Variants in COL6A6 observed in about 807,000 individuals in gnomAD.
The protein encoded by COL6A6 is collagen type VI alpha 6 chain.
COL6A6 carries 183 observed loss-of-function variants against 208.6 expected under a neutral mutation model. The ratio of observed to expected loss-of-function variants is 0.88; its 90% CI spans 0.78 to 0.99. COL6A6 has a LOEUF of 0.99. Ranked by LOEUF, COL6A6 falls within the 50% of genes least tolerant of loss-of-function variation. The pLI, the probability that COL6A6 is intolerant of heterozygous loss-of-function variation, is 0.00. For missense variants in COL6A6, 2,816 were observed against 2,815.2 expected (o/e 1.00, Z -0.01); for synonymous variants, 973 against 1,011.8 (o/e 0.96, Z 0.73).
chr3:130,622,432 TG>T (rs2108274985), intron 24 of COL6A6, among the ~76,000 whole-genome samples: 1 of 152,142 alleles, frequency 6.6e-6, no homozygotes, highest in South Asian at 2.1e-4. Flanking sequence ...ATAATATATA[TG>T]ACATGAAACC....
In COL6A6 at chr3:130,675,371, G is replaced by C. The variant is rs2066333610; in HGVS notation, c.6766G>C (p.Glu2256Gln). 6.3e-7 allele frequency: 1 copy of C among 1,591,796 alleles called. No homozygotes were observed. Among genetic ancestry groups the C allele is most frequent in the Non-Finnish European group, 8.6e-7 (1 of 1,169,536 alleles). The change falls in exon 37 of 37, where the codon GAA becomes CAA. Residue 2256 changes from glutamate (E) to glutamine (Q), a missense_variant. Glu to Gln is a conservative substitution (Grantham distance 29). Coordinates refer to ENST00000358511, the MANE Select transcript of COL6A6 (RefSeq NM_001102608.3). ...SHTFKNGRMIESAPKQHD is the reference protein window; with the variant it reads ...SHTFKNGRMIQSAPKQHD ...TACCTTTAAGAATGGAAGGATGATA[G>C]AAAGTGCTCCCAAACAACATGATTA...
intron 33 of COL6A6, among the ~76,000 whole-genome samples, chr3:130,656,875 G>A (rs1022475636): frequency 3.3e-5 from 5 of 152,272 alleles, no homozygotes; most frequent in African/African-American, 9.6e-5. Flanking sequence ...GGTTGCAACA[G>A]TGCCTGGGCT....
chr3:130,674,735 G>A (rs895014365), intron 36 of COL6A6, among the ~76,000 whole-genome samples: 9 of 152,206 alleles, frequency 5.9e-5, no homozygotes, highest in African/African-American at 2.2e-4. Flanking sequence ...TGAACCTTCT[G>A]TCTGGTTGGG....
In COL6A6 at chr3:130,568,562, A is replaced by G. The variant is rs776862405; in HGVS notation, c.2359A>G (p.Ile787Val). 4 of 1,606,544 alleles carry G rather than the reference A, an allele frequency of 2.5e-6. No individual in the cohort carries two copies. The highest frequency in any genetic ancestry group is 1.7e-4 in the Middle Eastern group (1 of 6,060). Residue 787 changes from isoleucine to valine, a missense_variant, in exon 6 of 37, where the codon ATT becomes GTT. Ile to Val is a conservative substitution (Grantham distance 29, BLOSUM62 3). Transcript: ENST00000358511. ...YVENFDILQRIEDDLVFGICS... is the reference protein window; with the variant it reads ...YVENFDILQRVEDDLVFGICS... Reference sequence around the variant, plus strand: ...TGAGAATTTTGACATTCTGCAGCGCATTGAAGATGATCTTGTTTTTGGAAT... The same window carrying G: ...TGAGAATTTTGACATTCTGCAGCGCGTTGAAGATGATCTTGTTTTTGGAAT...
chr3:130,520,267 T>G (rs1710985993), intron 1 of COL6A6, among the ~76,000 whole-genome samples: 1 of 152,232 alleles, frequency 6.6e-6, no homozygotes, highest in African/African-American at 2.4e-5. Flanking sequence ...TTTCTGAATT[T>G]TAAAGCAGTT....
chr3:130,594,674 G>A (rs1251145904), intron 18 of COL6A6, among the ~76,000 whole-genome samples: 1 of 152,094 alleles, frequency 6.6e-6, no homozygotes, highest in African/African-American at 2.4e-5. Context: ...CAGAAAGAAA[G>A]CCATGTCTTT....
chr3:130,563,658 G>C lies in COL6A6; in HGVS notation c.655G>C (p.Val219Leu). Residue 219 changes from valine (V) to leucine (L), a missense_variant, in exon 3 of 37, where the codon GTA becomes CTA. Val to Leu is a conservative substitution (Grantham distance 32, BLOSUM62 1). Coordinates refer to ENST00000358511, the MANE Select transcript of COL6A6 (RefSeq NM_001102608.3). Reference sequence around the variant, plus strand: ...GGAGGGAGCAGTTGATGACATCTTTGTAGAAGGTGGGCTTAGGATATGTGT... The same window carrying C: ...GGAGGGAGCAGTTGATGACATCTTTCTAGAAGGTGGGCTTAGGATATGTGT... ...YKEGAVDDIF[V>L]EACQGPSMAD... is the part of the protein sequence containing the mutation. 1.2e-6 allele frequency: 2 copies of C among 1,601,134 alleles called. No homozygotes were observed. The highest frequency in any genetic ancestry group is 1.7e-6 in the Non-Finnish European group (2 of 1,169,138).
intron 6 of COL6A6, among the ~76,000 whole-genome samples, chr3:130,570,607 C>T (rs1364704105): frequency 6.6e-6 from 1 of 152,146 alleles, no homozygotes; most frequent in Non-Finnish European, 1.5e-5. Context: ...CTGACTCCCG[C>T]CTTATCTTAC....
At chr3:130,519,240 A>G (rs991303934) in intron 1 of COL6A6, among the ~76,000 whole-genome samples, 6 of 152,230 alleles carry the variant, frequency 3.9e-5, no homozygotes, top group African/African-American at 1.2e-4. Flanking sequence ...AATAATCTCT[A>G]TACTTAGTAC....
chr3:130,609,636 A>C (rs887121180), intron 22 of COL6A6, among the ~76,000 whole-genome samples: 1 of 152,214 alleles, frequency 6.6e-6, no homozygotes, highest in Non-Finnish European at 1.5e-5. Context: ...ACCACAAAAA[A>C]GTTAGAACTT....
At chr3:130,652,500 A>G (rs1276492180) in intron 33 of COL6A6, among the ~76,000 whole-genome samples, 2 of 152,194 alleles carry the variant, frequency 1.3e-5, no homozygotes, top group Non-Finnish European at 2.9e-5. Context: ...GCCTCATCTT[A>G]TACACCAGGT....
intron 1 of COL6A6, among the ~76,000 whole-genome samples, chr3:130,540,094 A>G (rs570317517): frequency 2.0e-5 from 3 of 152,314 alleles, no homozygotes; most frequent in South Asian, 2.1e-4. Context: ...CATATCTACA[A>G]TGAGTTTATT....
In COL6A6 at chr3:130,629,106, G is replaced by A. The variant is rs1356249437; in HGVS notation, c.4992+1737G>A. The stretch of plus-strand genomic sequence containing the variant: ...AGACGATCAAATTACTCTGAGCTAC[G>A]GGAGGACATTCAAACCAAAGGCAAA... On this transcript the variant is annotated intron_variant, in intron 26 of 36. Transcript: ENST00000358511. 2.2e-4 allele frequency among the ~76,000 whole-genome samples: 8 copies of A among 36,062 alleles called. No homozygotes were observed. The East Asian group carries it at 4.4e-3, about 20-fold the overall frequency. 23.7% of individuals were successfully genotyped at this position (36,062 alleles called of 152,430 possible).
rs773153774 is a variant in COL6A6 at position 130,567,193 on chromosome 3, T to TA, written c.1775dup (p.Tyr592Ter). ...TGCAGGAGAGGAAAAGAGAGTGTAT[T>TA]ACGTGCATGACTTTGATGCATTGAA... ...EIAGEEKRVY[Y>*]VHDFDALKDI... is the part of the protein sequence containing the mutation. The change falls in exon 5 of 37, where the codon TAC becomes TAAC. Residue 592 changes from tyrosine (Y) to a stop codon, truncating the protein, a stop_gained and frameshift_variant. Coordinates refer to ENST00000358511, the MANE Select transcript of COL6A6 (RefSeq NM_001102608.3). LOFTEE classifies it high-confidence loss of function. 4 of 1,612,742 alleles carry TA rather than the reference T, an allele frequency of 2.5e-6. No individual in the cohort carries two copies. The South Asian group carries it at 4.4e-5, about 18-fold the overall frequency.
chr3:130,675,474 A>G lies in COL6A6; in HGVS notation c.*77A>G. 9.4e-7 allele frequency: 1 copy of G among 1,065,130 alleles called. No individual in the cohort carries two copies. The highest frequency in any genetic ancestry group is 1.3e-6 in the Non-Finnish European group (1 of 751,014). The allele number at this position is 1,065,130 out of a possible 1,614,324, so 66.0% of individuals were successfully genotyped here. A position where few individuals can be genotyped will look rare whatever the true frequency, so the allele number is the denominator to read the frequency against. On this transcript the variant is annotated 3_prime_UTR_variant, in exon 37 of 37. Coordinates refer to ENST00000358511, the MANE Select transcript of COL6A6 (RefSeq NM_001102608.3). ...AAATAGTAACTAAATCTGCTGCCAG[A>G]ACTCAAGCAACAGTTTGTAGGTTAT...
intron 20 of COL6A6, among the ~76,000 whole-genome samples, chr3:130,603,451 G>A (rs2064086759): frequency 6.6e-6 from 1 of 152,150 alleles, no homozygotes; most frequent in Non-Finnish European, 1.5e-5. Context: ...TGCTATGCTA[G>A]CAGACTATAA....
In COL6A6 at chr3:130,635,035, G is replaced by C. The variant is rs1308889853; in HGVS notation, c.5028+410G>C. On this transcript the variant is annotated intron_variant, in intron 27 of 36. Transcript: ENST00000358511. ...GGATCACTTGAAGTCAGGGATTCGA[G>C]ACCAGCCTGGCCAACATGGCAAAAC... Among the ~76,000 whole-genome samples, 3 of 152,254 alleles carry C rather than the reference G, an allele frequency of 2.0e-5. No homozygotes were observed. In the East Asian group the frequency reaches 5.8e-4, roughly 29 times the overall value.
At chr3:130,644,235 A>G (rs1458393191) in intron 31 of COL6A6, among the ~76,000 whole-genome samples, 1 of 152,226 alleles carries the variant, frequency 6.6e-6, no homozygotes, top group African/African-American at 2.4e-5. Flanking sequence ...CAGGAAAGGC[A>G]TTGCAAGGGG....
At chr3:130,604,934 G>T (rs1210084642) in intron 20 of COL6A6, among the ~76,000 whole-genome samples, 1 of 152,128 alleles carries the variant, frequency 6.6e-6, no homozygotes, top group Non-Finnish European at 1.5e-5. Context: ...CCTAAAGCTG[G>T]GGTCTGACCA....
Sources: allele counts gnomAD v4.1 joint callset (sites outside exome capture counted in the v4.1 genomes callset), GRCh38; gene constraint gnomAD v4.1.1; transcripts MANE v1.5; gene names NCBI Gene and HGNC (gene_info 2026-07-23, HGNC 2026-07-21).